Variants in UTP20 observed in about 807,000 individuals in gnomAD.
UTP20 encodes the protein UTP20 small subunit processome component, also known as small subunit processome component 20 homolog.
Under a neutral mutation model 329.5 loss-of-function variants are expected in UTP20, and 164 were observed. That is an observed-to-expected ratio of 0.50 (90% CI 0.44 to 0.57). UTP20 has a LOEUF of 0.57. Ranked by LOEUF, UTP20 falls within the 20% of genes least tolerant of loss-of-function variation. UTP20 has a pLI of 0.00. For missense variants in UTP20, 3,055 were observed against 3,284.2 expected (o/e 0.93, Z 1.71); for synonymous variants, 1,151 against 1,159.3 (o/e 0.99, Z 0.14).
intron 1 of UTP20, among the ~76,000 whole-genome samples, 164 bp downstream of exon 1, chr12:101,280,491 G>T (rs146563866): frequency 9.9e-5 from 15 of 152,198 alleles, no homozygotes; most frequent in Non-Finnish European, 2.2e-4. Flanking sequence ...AACATGGGTT[G>T]GAGGAGGAAA....
chr12:101,381,686 C>T (rs1870650180), intron 58 of UTP20, among the ~76,000 whole-genome samples: 1 of 152,054 alleles, frequency 6.6e-6, no homozygotes. Context: ...CTTGTCAACA[C>T]TGGGTCTGTA....
chr12:101,381,809 A>G (rs772692032), intron 58 of UTP20, among the ~76,000 whole-genome samples: 2 of 151,970 alleles, frequency 1.3e-5, no homozygotes, highest in African/African-American at 4.8e-5. Flanking sequence ...ACTTGAGGCC[A>G]GGAGTTCAAG....
rs537314822 is a variant in UTP20 at position 101,288,089 on chromosome 12, G to A, written c.516-871G>A. Among the ~76,000 whole-genome samples the A allele has an allele frequency of 7.2e-5, 11 of 152,316 alleles. No individual in the cohort carries two copies. The South Asian group carries it at 2.3e-3, about 32-fold the overall frequency. On this transcript the variant is annotated intron_variant, in intron 5 of 61. Transcript: ENST00000261637. ...TCTCCTTCCAGTCTCTTTCATGCCT[G>A]TTAGCCCAAGCTTGTATGACTTGAG... is the stretch of plus-strand genomic sequence containing the variant.
Position 101,280,267 on chromosome 12 carries a change from C to T in UTP20, c.-16C>T. 1 of 1,551,740 alleles carries T rather than the reference C, an allele frequency of 6.4e-7. No individual in the cohort carries two copies. ...ACACTCCCGAGGCCGTCGCGGGCCA[C>T]TGGCCCTCTGCAGCCATGAAGACAA... On this transcript the variant is annotated 5_prime_UTR_variant, in exon 1 of 62. Coordinates refer to ENST00000261637, the MANE Select transcript of UTP20 (RefSeq NM_014503.3).
At chr12:101,356,894 G>T in intron 42 of UTP20, 32 bp from the exon 43 acceptor site, 1 of 1,589,500 alleles carries the variant, frequency 6.3e-7, no homozygotes, top group South Asian at 1.1e-5. Context: ...CTGTTTATTT[G>T]ATTAGTCATT....
At chr12:101,355,548 T>G (rs937409712) in intron 41 of UTP20, among the ~76,000 whole-genome samples, 1 of 152,184 alleles carries the variant, frequency 6.6e-6, no homozygotes, top group African/African-American at 2.4e-5. Context: ...AAACACGGGT[T>G]GGCCAACTAT....
intron 55 of UTP20, 22 bp from the exon 56 acceptor site, chr12:101,375,601 AT>A (rs765542746): frequency 6.2e-7 from 1 of 1,607,512 alleles, no homozygotes; most frequent in Non-Finnish European, 8.5e-7. Flanking sequence ...GTTTTCATTG[AT>A]TTACATCCGT....
intron 32 of UTP20, among the ~76,000 whole-genome samples, chr12:101,340,919 A>AGAAGTGCAT (rs1869102315): frequency 7.4e-6 from 1 of 134,686 alleles, no homozygotes. Context: ...CTGGAACCCA[A>AGAAGTGCAT]GAAGTGCATT....
At chr12:101,292,707 TATGAC>T in intron 10 of UTP20, among the ~76,000 whole-genome samples, 1 of 152,332 alleles carries the variant, frequency 6.6e-6, no homozygotes, top group Non-Finnish European at 1.5e-5. Context: ...GGACACATGA[TATGAC>T]ATGATATCAG....
chr12:101,312,236 C>G lies in UTP20; in HGVS notation c.2512C>G (p.Arg838Gly). The G allele has an allele frequency of 6.2e-7, 1 of 1,614,180 alleles. No individual in the cohort carries two copies. Among genetic ancestry groups the G allele is most frequent in the South Asian group, 1.1e-5 (1 of 91,078 alleles). Residue 838 changes from arginine (R) to glycine (G), a missense_variant, in exon 21 of 62, where the codon CGG (arginine) becomes GGG (glycine). Coordinates refer to ENST00000261637, the MANE Select transcript of UTP20 (RefSeq NM_014503.3). Reference sequence around the variant, plus strand: ...CAAATTCCCAGAAAGAGTAGAGCCACGGTCCAGGGAGCTTTCCCCGCTTTT... The same window carrying G: ...CAAATTCCCAGAAAGAGTAGAGCCAGGGTCCAGGGAGCTTTCCCCGCTTTT... The part of the protein sequence containing the change: ...LTKFPERVEP[R>G]SRELSPLFLR...
intron 25 of UTP20, among the ~76,000 whole-genome samples, chr12:101,323,576 A>T (rs1162272830): frequency 6.6e-6 from 1 of 152,134 alleles, no homozygotes; most frequent in Non-Finnish European, 1.5e-5. Context: ...TTTTAGGTTT[A>T]CTAGTGAAGA....
At chr12:101,295,713 A>G in intron 12 of UTP20, 55 bp downstream of exon 12, 1 of 1,493,466 alleles carries the variant, frequency 6.7e-7, no homozygotes, top group South Asian at 1.3e-5. Context: ...ATTTAAATGT[A>G]ATGTATCAAG....
intron 29 of UTP20, 50 bp downstream of exon 29, chr12:101,334,554 A>C: frequency 6.6e-7 from 1 of 1,511,930 alleles, no homozygotes; most frequent in Non-Finnish European, 9.0e-7. Flanking sequence ...TTTTAGATGA[A>C]TCTGGTTAAA....
chr12:101,312,475 T>C (rs1270302429), intron 21 of UTP20, among the ~76,000 whole-genome samples, 199 bp downstream of exon 21: 1 of 152,238 alleles, frequency 6.6e-6, no homozygotes, highest in Non-Finnish European at 1.5e-5. Context: ...GACAGAGTTT[T>C]GCTCTTGTTG....
At chr12:101,333,250 G>A in intron 27 of UTP20, 51 bp from the exon 28 acceptor site, 2 of 1,569,566 alleles carry the variant, frequency 1.3e-6, no homozygotes, top group Non-Finnish European at 8.7e-7. Flanking sequence ...AGGAATCAGG[G>A]ATAAAAATGA....
chr12:101,366,811 TAC>T, intron 47 of UTP20, 112 bp downstream of exon 47: 3 of 1,378,986 alleles, frequency 2.2e-6, no homozygotes, highest in Non-Finnish European at 2.9e-6. Context: ...TTACTGTAAA[TAC>T]ATTTTAGATT....
At position 101,320,908 on chromosome 12, in the gene UTP20, A is replaced by T. The variant is rs1401824638; in HGVS notation, c.2886A>T (p.Thr962=). Residue 962 remains threonine, a synonymous_variant, in exon 24 of 62, where the codon ACA becomes ACT. Transcript: ENST00000261637. The part of the protein sequence containing the change: ...VQKITLDCIM[T]YKHPHVLPYR... ...AAATAACCTTGGATTGCATAATGAC[A>T]TATAAACATCCTCATGTCCTCCCTT... 6.2e-7 allele frequency: 1 copy of T among 1,611,524 alleles called. No homozygotes were observed. Among genetic ancestry groups the T allele is most frequent in the Non-Finnish European group, 8.5e-7 (1 of 1,179,542 alleles).
intron 47 of UTP20, 22 bp from the exon 48 acceptor site, chr12:101,367,838 A>C: frequency 6.5e-7 from 1 of 1,535,796 alleles, no homozygotes; most frequent in Non-Finnish European, 9.0e-7. Flanking sequence ...CTAATGTGAA[A>C]TACCTGTTTG....
chr12:101,281,737 G>C (rs1347957557), intron 2 of UTP20, among the ~76,000 whole-genome samples: 3 of 151,782 alleles, frequency 2.0e-5, no homozygotes, highest in African/African-American at 7.3e-5. Flanking sequence ...ATGGAGTCTC[G>C]CTCCGTCTCC....
Sources: allele counts gnomAD v4.1 joint callset (sites outside exome capture counted in the v4.1 genomes callset), GRCh38; gene constraint gnomAD v4.1.1; transcripts MANE v1.5; gene names NCBI Gene and HGNC (gene_info 2026-07-23, HGNC 2026-07-21).